The following SDK1 variants were observed in gnomAD, a reference collection of about 807,000 sequenced individuals.
The protein encoded by SDK1 is sidekick cell adhesion molecule 1.
Under a neutral mutation model 245.5 loss-of-function variants are expected in SDK1, and 157 were observed. That is an observed-to-expected ratio of 0.64 (90% CI 0.56 to 0.73). The LOEUF (loss-of-function observed/expected upper bound fraction) is 0.73, where lower values mean the gene tolerates loss of function less well. Ranked by LOEUF, SDK1 falls within the 30% of genes least tolerant of loss-of-function variation. SDK1 has a pLI of 0.00. For synonymous variants in SDK1, 1,647 were observed against 1,278.5 expected, an observed-to-expected ratio of 1.29 and a Z score of -6.15; for missense variants, 3,583 against 3,002.3, an observed-to-expected ratio of 1.19 and a Z score of -4.52.
rs1788615605 is a variant in SDK1, at chr7:4,268,613, A to G, written c.*3229A>G. On this transcript the variant is annotated 3_prime_UTR_variant, in exon 45 of 45. Coordinates refer to ENST00000404826, the MANE Select transcript of SDK1 (RefSeq NM_152744.4). Reference sequence around the variant, plus strand: ...TTTGTATCTAACTGTGACTGGGCTGAAGCATGATGTTTGCCTAATGGTTCG... The same window carrying G: ...TTTGTATCTAACTGTGACTGGGCTGGAGCATGATGTTTGCCTAATGGTTCG... 1.5e-6 allele frequency: 2 copies of G among 1,366,786 alleles called. No homozygotes were observed. Among genetic ancestry groups the G allele is most frequent in the Admixed American group, 3.8e-5 (2 of 52,558 alleles). The allele number at this position is 1,366,786 out of a possible 1,614,324, so 84.7% of individuals were successfully genotyped here.
chr7:3,857,558 A>T (rs1412208805), intron 5 of SDK1, among the ~76,000 whole-genome samples: 2 of 151,972 alleles, frequency 1.3e-5, no homozygotes, highest in Non-Finnish European at 2.9e-5. Flanking sequence ...GTGGTGGTGC[A>T]TGCCTGTAGT....
intron 1 of SDK1, among the ~76,000 whole-genome samples, chr7:3,488,064 G>T (rs1438206141): frequency 6.6e-6 from 1 of 152,130 alleles, no homozygotes; most frequent in Non-Finnish European, 1.5e-5. Context: ...ACCTTTCAAA[G>T]AAGTCTCTTG....
chr7:3,533,489 A>C (rs1283782654), intron 1 of SDK1, among the ~76,000 whole-genome samples: 1 of 152,238 alleles, frequency 6.6e-6, no homozygotes, highest in Non-Finnish European at 1.5e-5. Flanking sequence ...CTTATGTTAT[A>C]GGCATTGTTT....
intron 22 of SDK1, among the ~76,000 whole-genome samples, chr7:4,084,907 C>A (rs185179023): frequency 6.6e-6 from 1 of 151,714 alleles, no homozygotes; most frequent in African/African-American, 2.4e-5. Context: ...GGATTACAGG[C>A]GCCCGCCACC....
chr7:4,157,858 C>T (rs376938518), intron 30 of SDK1, among the ~76,000 whole-genome samples: 6 of 152,062 alleles, frequency 3.9e-5, no homozygotes, highest in East Asian at 3.9e-4. Context: ...GCGGGGCTGG[C>T]GGGTCTCTGC....
At chr7:3,581,648 A>G (rs942037742) in intron 1 of SDK1, among the ~76,000 whole-genome samples, 5 of 152,232 alleles carry the variant, frequency 3.3e-5, no homozygotes, top group African/African-American at 1.2e-4. Context: ...ATTAATGGGT[A>G]TATACCCAAA....
intron 1 of SDK1, among the ~76,000 whole-genome samples, chr7:3,602,808 A>G (rs551392392): frequency 7.9e-4 from 120 of 152,280 alleles, no homozygotes; most frequent in Non-Finnish European, 1.5e-3. Context: ...TTATAGTTTT[A>G]GGTCTAACAT....
At chr7:4,024,612 C>G (rs75209928) in intron 17 of SDK1, among the ~76,000 whole-genome samples, 2,429 of 152,286 alleles carry the variant, frequency 0.016, 61 homozygotes, top group African/African-American at 0.056. Context: ...CACGTCCTTA[C>G]ATTCACTGTC....
At chr7:4,142,578 C>T (rs527266612) in intron 28 of SDK1, among the ~76,000 whole-genome samples, 7 of 152,308 alleles carry the variant, frequency 4.6e-5, no homozygotes, top group Admixed American at 3.3e-4. Context: ...CCGCCCACCT[C>T]GGCCTCCCAA....
chr7:3,569,080 CG>C (rs1293660482), intron 1 of SDK1, among the ~76,000 whole-genome samples: 3 of 148,076 alleles, frequency 2.0e-5, no homozygotes, highest in African/African-American at 7.5e-5. Context: ...GAAAAATTAA[CG>C]AGTCTGTATT....
chr7:3,696,744 T>A (rs1242026394), intron 4 of SDK1, among the ~76,000 whole-genome samples: 1 of 152,142 alleles, frequency 6.6e-6, no homozygotes, highest in Admixed American at 6.6e-5. Flanking sequence ...TATATTTAAT[T>A]ATTTTTGAGT....
chr7:4,143,039 G>A (rs1359868592), intron 28 of SDK1, among the ~76,000 whole-genome samples: 1 of 152,180 alleles, frequency 6.6e-6, no homozygotes, highest in Non-Finnish European at 1.5e-5. Flanking sequence ...GACCCAGGGA[G>A]TCCTGTTCTG....
At chr7:3,357,582 A>G (rs1015847259) in intron 1 of SDK1, among the ~76,000 whole-genome samples, 7 of 151,326 alleles carry the variant, frequency 4.6e-5, no homozygotes, top group African/African-American at 1.7e-4. Flanking sequence ...ACCTGTGCTC[A>G]AGCAATCCTC....
At chr7:3,409,227 T>G (rs1779133309) in intron 1 of SDK1, among the ~76,000 whole-genome samples, 3 of 152,206 alleles carry the variant, frequency 2.0e-5, no homozygotes, top group African/African-American at 7.2e-5. Flanking sequence ...TCACTGAGAT[T>G]TCATTAATCC....
At chr7:3,599,785 C>G (rs1781196434) in intron 1 of SDK1, among the ~76,000 whole-genome samples, 1 of 152,152 alleles carries the variant, frequency 6.6e-6, no homozygotes, top group East Asian at 1.9e-4. Flanking sequence ...TGTTTGCCAG[C>G]TCTCTATTTT....
chr7:4,027,919 A>G (rs1005068288), intron 17 of SDK1, among the ~76,000 whole-genome samples: 3 of 151,782 alleles, frequency 2.0e-5, no homozygotes, highest in Non-Finnish European at 4.4e-5. Context: ...CAACCAATTA[A>G]TTAGGATCTA....
intron 5 of SDK1, among the ~76,000 whole-genome samples, chr7:3,897,162 G>T (rs775408267): frequency 1.3e-4 from 20 of 152,188 alleles, no homozygotes; most frequent in Non-Finnish European, 2.6e-4. Context: ...AACTTGAGAT[G>T]ACATTTGGGA....
intron 1 of SDK1, among the ~76,000 whole-genome samples, chr7:3,453,367 C>T (rs1780578161): frequency 6.6e-6 from 1 of 152,224 alleles, no homozygotes; most frequent in South Asian, 2.1e-4. Context: ...TTGGTATCCA[C>T]ATCAAATCCC....
chr7:3,989,960 C>T (rs1784170754), intron 14 of SDK1, among the ~76,000 whole-genome samples: 1 of 152,150 alleles, frequency 6.6e-6, no homozygotes, highest in South Asian at 2.1e-4. Context: ...AGATGGGATC[C>T]CTGTGCTGTC....
Sources: gnomAD v4.1 joint callset for allele counts (sites outside exome capture counted in the v4.1 genomes callset) on GRCh38, gnomAD v4.1.1 for gene constraint, MANE v1.5 for transcripts, NCBI Gene and HGNC (gene_info 2026-07-23, HGNC 2026-07-21) for gene names.